Variants in PODXL observed in about 807,000 individuals in gnomAD.
PODXL encodes podocalyxin like.
In PODXL, 20 loss-of-function variants were observed where a neutral mutation model predicts 48.9. The ratio of observed to expected loss-of-function variants is 0.41; its 90% CI spans 0.29 to 0.59. The LOEUF (loss-of-function observed/expected upper bound fraction) is 0.59, where lower values mean the gene tolerates loss of function less well. PODXL is among the 20% of genes least tolerant of loss of function. PODXL has a pLI of 0.31. For missense variants in PODXL, 606 were observed against 675.1 expected, an observed-to-expected ratio of 0.90 and a Z score of 1.13; for synonymous variants, 295 against 287.4, an observed-to-expected ratio of 1.03 and a Z score of -0.27.
At chr7:131,505,023 TG>T (rs1301018259) in intron 8 of PODXL, among the ~76,000 whole-genome samples, 3 of 152,128 alleles carry the variant, frequency 2.0e-5, no homozygotes, top group African/African-American at 4.8e-5. Context: ...TAGAATCACC[TG>T]GGGAGCTTTT....
chr7:131,510,541 T>A (rs536080220), intron 2 of PODXL, among the ~76,000 whole-genome samples: 2 of 150,914 alleles, frequency 1.3e-5, no homozygotes, highest in African/African-American at 2.4e-5. Context: ...TAAATAGGTA[T>A]GAAATAGAAA....
chr7:131,510,070 G>A (rs1797882289), intron 3 of PODXL, among the ~76,000 whole-genome samples, 166 bp downstream of exon 3: 1 of 152,166 alleles, frequency 6.6e-6, no homozygotes, highest in Admixed American at 6.5e-5. Context: ...ACATCACCAG[G>A]AGCGCTCAGA....
intron 1 of PODXL, among the ~76,000 whole-genome samples, chr7:131,548,268 G>C (rs1448822099): frequency 6.6e-6 from 1 of 152,256 alleles, no homozygotes; most frequent in Non-Finnish European, 1.5e-5. Flanking sequence ...AAGGTTTGCA[G>C]GGACCAGTTC....
intron 1 of PODXL, among the ~76,000 whole-genome samples, chr7:131,549,899 G>C (rs1584834466): frequency 6.6e-6 from 1 of 152,202 alleles, no homozygotes; most frequent in Admixed American, 6.5e-5. Context: ...GGGGAAGGGG[G>C]TGGGGATGGT....
intron 1 of PODXL, among the ~76,000 whole-genome samples, chr7:131,524,379 C>CACACACAG (rs746255906): frequency 5.8e-5 from 6 of 104,108 alleles, no homozygotes; most frequent in African/African-American, 1.7e-4. Flanking sequence ...CACACACACA[C>CACACACAG]AGAGAGAGAG....
At chr7:131,551,036 C>A (rs1051097673) in intron 1 of PODXL, among the ~76,000 whole-genome samples, 1 of 152,184 alleles carries the variant, frequency 6.6e-6, no homozygotes, top group African/African-American at 2.4e-5. Context: ...CATTGCACAG[C>A]CTGCAGGCTG....
chr7:131,555,230 C>A (rs776997150), intron 1 of PODXL, among the ~76,000 whole-genome samples: 2 of 152,154 alleles, frequency 1.3e-5, no homozygotes, highest in African/African-American at 4.8e-5. Flanking sequence ...CCTCCTGGCC[C>A]TAGGGTGATC....
chr7:131,556,316 G>A lies in PODXL; in HGVS notation c.44C>T (p.Ser15Leu). Residue 15 changes from serine (S) to leucine (L), a missense_variant, in exon 1 of 9, where the codon TCA (serine) becomes TTA (leucine). Coordinates refer to ENST00000378555, the MANE Select transcript of PODXL (RefSeq NM_001018111.3). ...LALSALLLLL[S>L]TPPLLPSSPS... ...CGACGACGGCAGCAGCGGCGGCGTT[G>A]ACAACAGTAGCAGCAGCGCCGAGAG... The A allele has an allele frequency of 6.6e-7, 1 of 1,507,210 alleles. No homozygotes were observed. Among genetic ancestry groups the A allele is most frequent in the Non-Finnish European group, 8.8e-7 (1 of 1,131,862 alleles). 93.4% of individuals were successfully genotyped at this position (1,507,210 alleles called of 1,614,324 possible).
At chr7:131,548,186 T>C (rs1415290811) in intron 1 of PODXL, among the ~76,000 whole-genome samples, 1 of 152,220 alleles carries the variant, frequency 6.6e-6, no homozygotes, top group Non-Finnish European at 1.5e-5. Flanking sequence ...CTGTGTTTCC[T>C]GAGAGCTGTG....
intron 1 of PODXL, among the ~76,000 whole-genome samples, chr7:131,534,494 G>A (rs538082724): frequency 1.3e-5 from 2 of 152,224 alleles, no homozygotes; most frequent in South Asian, 2.1e-4. Flanking sequence ...TCCAGGACCA[G>A]TGCCTGGTGT....
chr7:131,503,262 CCT>C lies in PODXL; in HGVS notation c.*1047_*1048del, dbSNP rs935733379. On this transcript the variant is annotated 3_prime_UTR_variant, in exon 9 of 9. Transcript: ENST00000378555. ...TCGCTGATGGGGGGCCCCGGGAAGGCCTCTCCTGCAGCCACTGCTCTTTCATA... is the reference window on the plus strand; with the variant it reads ...TCGCTGATGGGGGGCCCCGGGAAGGCCTCCTGCAGCCACTGCTCTTTCATA... The C allele has an allele frequency of 4.6e-5, 7 of 152,732 alleles. No homozygotes were observed. Among genetic ancestry groups the C allele is most frequent in the Admixed American group, 2.6e-4 (4 of 15,284 alleles). The allele number at this position is 152,732 out of a possible 1,614,324, so 9.5% of individuals were successfully genotyped here.
rs182705481 is a variant in PODXL, at chr7:131,514,382, C to T, written c.101-2949G>A. The stretch of plus-strand genomic sequence containing the variant: ...GAGCCAAGATTGTGCCACTGCACTC[C>T]GGCCTGGGTGACAGAGTGAGACACA... On this transcript the variant is annotated intron_variant, in intron 1 of 8. Coordinates refer to ENST00000378555, the MANE Select transcript of PODXL (RefSeq NM_001018111.3). Among the ~76,000 whole-genome samples, 10 of 152,042 alleles carry T rather than the reference C, an allele frequency of 6.6e-5. No homozygotes were observed. In the East Asian group the frequency reaches 9.7e-4, roughly 15 times the overall value.
In PODXL at chr7:131,504,337, C is replaced by T. The variant is rs577533826; in HGVS notation, c.1651G>A (p.Asp551Asn). 2 of 1,614,186 alleles carry T rather than the reference C, an allele frequency of 1.2e-6. No individual in the cohort carries two copies. The highest frequency in any genetic ancestry group is 2.2e-5 in the South Asian group (2 of 91,084). The change falls in exon 9 of 9, where the codon GAT (aspartate) becomes AAT (asparagine). Residue 551 changes from aspartate to asparagine, a missense_variant. Physicochemically the swap from Asp to Asn is conservative, Grantham distance 23. Coordinates refer to ENST00000378555, the MANE Select transcript of PODXL (RefSeq NM_001018111.3). ...PLDNLTKDDLDEEEDTHL is the reference protein window; with the variant it reads ...PLDNLTKDDLNEEEDTHL ...TAGAGGTGTGTGTCTTCCTCCTCATCCAGGTCGTCCTTGGTCAGGTTGTCC... is the reference window on the plus strand; with the variant it reads ...TAGAGGTGTGTGTCTTCCTCCTCATTCAGGTCGTCCTTGGTCAGGTTGTCC...
rs529007365 is a variant in PODXL at position 131,556,029 on chromosome 7, C to T, written c.100+231G>A. 7.2e-5 allele frequency among the ~76,000 whole-genome samples: 11 copies of T among 152,394 alleles called. No individual in the cohort carries two copies. In the South Asian group the frequency reaches 1.7e-3, roughly 23 times the overall value. On this transcript the variant is annotated intron_variant, in intron 1 of 8. Coordinates refer to ENST00000378555, the MANE Select transcript of PODXL (RefSeq NM_001018111.3). ...CCCGGGCAGAATCCACCGCCCACTC[C>T]TCCCGAGTGGAGAGTGGAGACGAAT...
intron 1 of PODXL, among the ~76,000 whole-genome samples, chr7:131,514,154 A>T (rs1236118131): frequency 6.6e-6 from 1 of 152,210 alleles, no homozygotes; most frequent in Admixed American, 6.5e-5. Context: ...GCGGTGGCTC[A>T]TGCCTGTAAT....
chr7:131,548,517 T>G (rs942150394), intron 1 of PODXL, among the ~76,000 whole-genome samples: 6 of 152,240 alleles, frequency 3.9e-5, no homozygotes, highest in Admixed American at 3.3e-4. Flanking sequence ...AGGAGCCACA[T>G]GCTTCTTGTT....
At chr7:131,524,379 C>CACACAGAGAGAGAGAGAGAGAGAGAGAG (rs746255906) in intron 1 of PODXL, among the ~76,000 whole-genome samples, 3 of 104,098 alleles carry the variant, frequency 2.9e-5, no homozygotes, top group South Asian at 3.6e-4. Flanking sequence ...CACACACACA[C>CACACAGAGAGAGAGAGAGAGAGAGAGAG]AGAGAGAGAG....
At chr7:131,508,928 G>C in intron 5 of PODXL, 23 bp downstream of exon 5, 1 of 1,563,520 alleles carries the variant, frequency 6.4e-7, no homozygotes, top group Non-Finnish European at 8.8e-7. Flanking sequence ...GCACCTGGCG[G>C]CTCAGATCAG....
At chr7:131,556,126 CGT>C in intron 1 of PODXL, 132 bp downstream of exon 1, 1 of 1,219,264 alleles carries the variant, frequency 8.2e-7, no homozygotes, top group East Asian at 3.2e-5. Context: ...GTCAGGGCTC[CGT>C]GTGTGACCCC....
Sources: gnomAD v4.1 joint callset for allele counts (sites outside exome capture counted in the v4.1 genomes callset) on GRCh38, gnomAD v4.1.1 for gene constraint, MANE v1.5 for transcripts, NCBI Gene and HGNC (gene_info 2026-07-23, HGNC 2026-07-21) for gene names.